The following ANLN variants were observed in gnomAD, a reference collection of about 807,000 sequenced individuals.
ANLN encodes anillin.
Under a neutral mutation model 135.1 loss-of-function variants are expected in ANLN, and 59 were observed. The observed-to-expected ratio is 0.44, with a 90% CI of 0.35 to 0.54. ANLN has a LOEUF of 0.54. Among genes scored for constraint, ANLN ranks in the 20% least tolerant of loss-of-function variants. The pLI, the probability that ANLN is intolerant of heterozygous loss-of-function variation, is 0.00. For synonymous variants in ANLN, 406 were observed against 456.4 expected, an observed-to-expected ratio of 0.89 and a Z score of 1.41; for missense variants, 1,182 against 1,340.0, an observed-to-expected ratio of 0.88 and a Z score of 1.84.
chr7:36,412,350 T>A (rs1327481848), intron 7 of ANLN, among the ~76,000 whole-genome samples: 1 of 134,720 alleles, frequency 7.4e-6, no homozygotes. Context: ...TTTTTTGACA[T>A]GGAGTTTCAC....
chr7:36,398,172 T>C (rs1258536078), intron 2 of ANLN, among the ~76,000 whole-genome samples: 1 of 85,860 alleles, frequency 1.2e-5, no homozygotes, highest in Non-Finnish European at 2.9e-5. Context: ...TTCTGATAGA[T>C]TTTTTTTTTT....
At chr7:36,438,679 A>G (rs935234100) in intron 20 of ANLN, among the ~76,000 whole-genome samples, 1 of 152,166 alleles carries the variant, frequency 6.6e-6, no homozygotes, top group African/African-American at 2.4e-5. Flanking sequence ...GCCAGCCCAC[A>G]CTGCTTTGAT....
intron 23 of ANLN, among the ~76,000 whole-genome samples, chr7:36,451,778 G>A (rs1248486846): frequency 6.6e-6 from 1 of 152,116 alleles, no homozygotes; most frequent in Non-Finnish European, 1.5e-5. Flanking sequence ...CCTAATGGCT[G>A]GCTGTTCTCT....
In ANLN at chr7:36,390,054, T is replaced by A; in HGVS notation, c.18+10T>A. 6.2e-7 allele frequency: 1 copy of A among 1,613,658 alleles called. No individual in the cohort carries two copies. ...GGATCCGTTTACGGAGGTGAGTGAG[T>A]TTGCGGGTGCAGCCAGCCATGACCC... is the stretch of plus-strand genomic sequence containing the variant. On this transcript the variant is annotated intron_variant, in intron 1 of 23. Coordinates refer to ENST00000265748, the MANE Select transcript of ANLN (RefSeq NM_018685.5).
chr7:36,436,272 C>G (rs1450497674), intron 20 of ANLN, among the ~76,000 whole-genome samples: 1 of 152,132 alleles, frequency 6.6e-6, no homozygotes, highest in Non-Finnish European at 1.5e-5. Flanking sequence ...GGAAGTACAT[C>G]CATGATGTAG....
Position 36,452,655 on chromosome 7 carries a change from C to T in ANLN, c.*55C>T, listed in dbSNP as rs1190957263. 1 of 1,593,102 alleles carries T rather than the reference C, an allele frequency of 6.3e-7. No individual in the cohort carries two copies. The highest frequency in any genetic ancestry group is 8.6e-7 in the Non-Finnish European group (1 of 1,166,780). On this transcript the variant is annotated 3_prime_UTR_variant, in exon 24 of 24. Coordinates refer to ENST00000265748, the MANE Select transcript of ANLN (RefSeq NM_018685.5). Reference sequence around the variant, plus strand: ...TTTTGATGTCATCTTAAGAAACACACTTAAGAGCATCAGATTTACTGATTG... The same window carrying T: ...TTTTGATGTCATCTTAAGAAACACATTTAAGAGCATCAGATTTACTGATTG...
chr7:36,413,108 A>G (rs1787492788), intron 7 of ANLN, among the ~76,000 whole-genome samples: 1 of 122,694 alleles, frequency 8.2e-6, no homozygotes, highest in South Asian at 3.4e-4. Context: ...TAGGGGCTCA[A>G]CAAACTTGTA....
At chr7:36,414,411 C>T (rs1787556097) in intron 7 of ANLN, among the ~76,000 whole-genome samples, 2 of 152,124 alleles carry the variant, frequency 1.3e-5, no homozygotes, top group Admixed American at 1.3e-4. Context: ...GGGAACAGAA[C>T]TGATGAGGAC....
At position 36,419,467 on chromosome 7, in the gene ANLN, G is replaced by C; in HGVS notation, c.1857G>C (p.Val619=). The change falls in exon 10 of 24, where the codon GTG becomes GTC. Residue 619 remains valine (V), a synonymous_variant. Coordinates refer to ENST00000265748, the MANE Select transcript of ANLN (RefSeq NM_018685.5). The part of the protein sequence containing the change: ...LLAPLAQTVG[V]VSPESLVSTP... Reference sequence around the variant, plus strand: ...CACCATTGGCACAAACAGTTGGTGTGGTAAGTCCAGAGGTAAGAAAAGGCT... The same window carrying C: ...CACCATTGGCACAAACAGTTGGTGTCGTAAGTCCAGAGGTAAGAAAAGGCT... The C allele has an allele frequency of 6.2e-7, 1 of 1,613,218 alleles. No individual in the cohort carries two copies. Among genetic ancestry groups the C allele is most frequent in the Non-Finnish European group, 8.5e-7 (1 of 1,179,894 alleles).
At position 36,425,863 on chromosome 7, in the gene ANLN, G is replaced by A. The variant is rs1053821664; in HGVS notation, c.2748+123G>A. ...TGGAAAATTTTAACATGTACTAATG[G>A]GGGGATATCCCTGTAATTTATGTAG... On this transcript the variant is annotated intron_variant, in intron 18 of 23. Transcript: ENST00000265748. The A allele has an allele frequency of 6.1e-6, 7 of 1,146,004 alleles. No individual in the cohort carries two copies. The South Asian group carries it at 8.4e-5, about 14-fold the overall frequency. The allele number at this position is 1,146,004 out of a possible 1,614,324, so 71.0% of individuals were successfully genotyped here.
intron 20 of ANLN, among the ~76,000 whole-genome samples, chr7:36,438,424 T>C (rs1398242391): frequency 6.6e-6 from 1 of 152,194 alleles, no homozygotes; most frequent in Non-Finnish European, 1.5e-5. Flanking sequence ...CAGGCCAGAG[T>C]GCAGTGGCAT....
chr7:36,419,210 A>T, intron 9 of ANLN, 34 bp from the exon 10 acceptor site: 1 of 1,451,192 alleles, frequency 6.9e-7, no homozygotes, highest in South Asian at 1.2e-5. Context: ...TAAATATCTG[A>T]GTCACAGTGT....
chr7:36,428,307 A>G (rs1583636278), intron 20 of ANLN: 1 of 1,275,168 alleles, frequency 7.8e-7, no homozygotes, highest in Non-Finnish European at 1.0e-6. Context: ...TCTGTTTTAG[A>G]TAAATTATGA....
intron 9 of ANLN, among the ~76,000 whole-genome samples, chr7:36,417,793 T>C (rs1187357076): frequency 1.4e-5 from 2 of 147,220 alleles, no homozygotes; most frequent in African/African-American, 5.0e-5. Context: ...TTCTTCTGCC[T>C]CAGCCTCCTG....
intron 21 of ANLN, among the ~76,000 whole-genome samples, chr7:36,441,170 A>G (rs1788755529): frequency 1.3e-5 from 2 of 152,076 alleles, no homozygotes; most frequent in South Asian, 4.1e-4. Context: ...TTTATATTTT[A>G]TTGTTGATGC....
rs1788106188 is a variant in ANLN at position 36,426,990 on chromosome 7, T to C, written c.2845T>C (p.Leu949=). Residue 949 remains leucine (L), a synonymous_variant, in exon 20 of 24, where the codon TTG becomes CTG. Transcript: ENST00000265748. ...CCTTGTTGGATCTTACACATTATCA[T>C]TGTCTTCAGTAGGAAATACTAAGTT... ...FALVGSYTLS[L]SSVGNTKFVL... The C allele has an allele frequency of 1.2e-6, 2 of 1,613,118 alleles. No individual in the cohort carries two copies. Among genetic ancestry groups the C allele is most frequent in the Non-Finnish European group, 1.7e-6 (2 of 1,179,542 alleles).
At chr7:36,412,328 T>TATATA (rs1554343031) in intron 7 of ANLN, among the ~76,000 whole-genome samples, 330 of 63,110 alleles carry the variant, frequency 5.2e-3, no homozygotes, top group African/African-American at 0.012. Context: ...TATATATATA[T>TATATA]TTTTTTTTTT....
chr7:36,415,474 T>C (rs913563707), intron 7 of ANLN, among the ~76,000 whole-genome samples: 3 of 152,154 alleles, frequency 2.0e-5, no homozygotes, highest in African/African-American at 4.8e-5. Context: ...TTCACTTTGA[T>C]TGGCTTATCT....
intron 20 of ANLN, among the ~76,000 whole-genome samples, chr7:36,435,568 G>C (rs540850333): frequency 6.6e-6 from 1 of 152,154 alleles, no homozygotes; most frequent in East Asian, 1.9e-4. Context: ...TTTGCTCAGC[G>C]TGATGTTTTT....
Sources: allele counts gnomAD v4.1 joint callset (sites outside exome capture counted in the v4.1 genomes callset), GRCh38; gene constraint gnomAD v4.1.1; transcripts MANE v1.5; gene names NCBI Gene and HGNC (gene_info 2026-07-23, HGNC 2026-07-21).